PDGFRB: variants seen among roughly 807,000 people sequenced by gnomAD.
PDGFRB encodes the protein platelet-derived growth factor receptor beta.
A neutral mutation model predicts 120.2 loss-of-function variants in PDGFRB; 42 were observed. The observed-to-expected ratio is 0.35, with a 90% confidence interval of 0.27 to 0.45. PDGFRB has a LOEUF of 0.45. Ranked by LOEUF, PDGFRB falls within the 20% of genes least tolerant of loss-of-function variation. The pLI is 1.00. For missense variants in PDGFRB, 1,149 were observed against 1,476.3 expected (o/e 0.78, Z 3.63); for synonymous variants, 586 against 606.8 (o/e 0.97, Z 0.50).
intron 1 of PDGFRB, among the ~76,000 whole-genome samples, chr5:150,139,128 GC>G (rs1435779293): frequency 1.3e-5 from 2 of 152,206 alleles, no homozygotes; most frequent in African/African-American, 4.8e-5. Context: ...GAGACTCTGA[GC>G]TAGGAGGTAT....
Position 150,126,509 on chromosome 5 carries a change from G to A in PDGFRB, c.1674+11C>T. ...GCCAGTCTTCACCCACTGGGCCAGGGAGGGGCTTACCTTCTGCCAAAGCAT... is the reference window on the plus strand; with the variant it reads ...GCCAGTCTTCACCCACTGGGCCAGGAAGGGGCTTACCTTCTGCCAAAGCAT... On this transcript the variant is annotated intron_variant, in intron 11 of 22. Coordinates refer to ENST00000261799, the MANE Select transcript of PDGFRB (RefSeq NM_002609.4). 6.8e-7 allele frequency: 1 copy of A among 1,471,058 alleles called. No individual in the cohort carries two copies. The highest frequency in any genetic ancestry group is 2.3e-5 in the East Asian group (1 of 44,156). The allele number at this position is 1,471,058 out of a possible 1,614,324, so 91.1% of individuals were successfully genotyped here.
In PDGFRB at chr5:150,125,261, C is replaced by T. The variant is rs1191096497; in HGVS notation, c.1807+184G>A. Among the ~76,000 whole-genome samples, 4 of 152,284 alleles carry T rather than the reference C, an allele frequency of 2.6e-5. No homozygotes were observed. In the South Asian group the frequency reaches 8.3e-4, roughly 32 times the overall value. ...GTCACAGGATCATAGAACCTCAATG[C>T]TAGGCAGTTCCTGGGGGATGGTCTT... is the stretch of plus-strand genomic sequence containing the variant. On this transcript the variant is annotated intron_variant, in intron 12 of 22. Transcript: ENST00000261799.
Position 150,132,168 on chromosome 5 carries a change from G to A in PDGFRB, c.1128-74C>T, listed in dbSNP as rs549863067. ...TCTCCCCACCCTCCTGGTATAAAGAGGAACAAGGCCCAGGGAGGGGAAGGG... is the reference window on the plus strand; with the variant it reads ...TCTCCCCACCCTCCTGGTATAAAGAAGAACAAGGCCCAGGGAGGGGAAGGG... On this transcript the variant is annotated intron_variant, in intron 7 of 22. Transcript: ENST00000261799. This position sits in a 1 kb window ranked among gnomAD's most constrained non-coding sequence, Gnocchi z 5.0. The A allele has an allele frequency of 1.1e-4, 86 of 808,444 alleles. 3 individuals are homozygous for A. The South Asian group carries it at 1.3e-3, about 12-fold the overall frequency. The allele number at this position is 808,444 out of a possible 1,614,324, so 50.1% of individuals were successfully genotyped here.
chr5:150,125,317 GC>G, intron 12 of PDGFRB, 127 bp downstream of exon 12: 2 of 707,504 alleles, frequency 2.8e-6, no homozygotes, highest in Non-Finnish European at 4.6e-6. Flanking sequence ...GAGATGGAGG[GC>G]CAGAGAAGGC....
intron 2 of PDGFRB, 23 bp from the exon 3 acceptor site, chr5:150,135,901 C>T (rs749019435): frequency 2.0e-6 from 3 of 1,495,484 alleles, no homozygotes; most frequent in South Asian, 2.7e-5. Flanking sequence ...AGGTATCAGA[C>T]ATCAGGAAAC....
chr5:150,128,277 C>A (rs1005221980), intron 10 of PDGFRB, among the ~76,000 whole-genome samples: 3 of 152,242 alleles, frequency 2.0e-5, no homozygotes, highest in Admixed American at 6.5e-5. Context: ...TGCCCAGATA[C>A]CCACTTGCTC....
chr5:150,117,621 G>A lies in PDGFRB; in HGVS notation c.3134C>T (p.Ala1045Val), dbSNP rs754945283. The change falls in exon 22 of 23, where the codon GCC (alanine) becomes GTC (valine). Residue 1045 changes from alanine (A) to valine (V), a missense_variant. By Grantham distance (64) the Ala-to-Val change is moderately conservative (BLOSUM62 0). Around this residue, in one of 3 missense-constraint regions of PDGFRB, gnomAD observed 202 missense variants for 214.3 expected, o/e 0.94. Transcript: ENST00000261799. ...GGCCCCAGGCCAGGGTGGTTACCTG[G>A]CTAGGCTGGGGGAACCCTCCAGTGG... is the stretch of plus-strand genomic sequence containing the variant. ...EGPLEGSPSL[A>V]SSTLNEVNTS... 1.3e-6 allele frequency: 2 copies of A among 1,593,502 alleles called. No homozygotes were observed. Among genetic ancestry groups the A allele is most frequent in the East Asian group, 4.5e-5 (2 of 44,640 alleles).
chr5:150,130,328 T>C (rs542295262), intron 9 of PDGFRB, among the ~76,000 whole-genome samples: 1 of 152,258 alleles, frequency 6.6e-6, no homozygotes, highest in South Asian at 2.1e-4. Flanking sequence ...CCCTGCACTT[T>C]GCTAGGCCAA....
chr5:150,140,468 C>T (rs192077753), intron 1 of PDGFRB, among the ~76,000 whole-genome samples: 182 of 152,300 alleles, frequency 1.2e-3, no homozygotes, highest in African/African-American at 4.1e-3. Flanking sequence ...GAAGAGAGTG[C>T]TATGTGCCAG....
intron 4 of PDGFRB, 23 bp from the exon 5 acceptor site, chr5:150,134,031 G>A: frequency 6.2e-7 from 1 of 1,613,194 alleles, no homozygotes; most frequent in Non-Finnish European, 8.5e-7. Context: ...GATTGGCTTA[G>A]GTCTGGGGAA....
chr5:150,117,536 G>T (rs528099067), intron 22 of PDGFRB, 82 bp downstream of exon 22: 2 of 677,432 alleles, frequency 3.0e-6, no homozygotes. Context: ...CAGCGCGCGC[G>T]CGCGCGCGCA....
At chr5:150,134,716 C>T in intron 4 of PDGFRB, 34 bp downstream of exon 4, 2 of 1,579,082 alleles carry the variant, frequency 1.3e-6, no homozygotes, top group South Asian at 1.2e-5. Context: ...TTATACTTGC[C>T]TCTGCTGAGC....
chr5:150,117,731 G>A lies in PDGFRB; in HGVS notation c.3024C>T (p.Leu1008=). Residue 1008 remains leucine, a synonymous_variant, in exon 22 of 23, where the codon CTC becomes CTT. Transcript: ENST00000261799. ...CCTCATTGGGCTGCACGGCAGTATA[G>A]AGGACGGAGCTGGTGTCCAGGGGAG... ...LRSPLDTSSV[L]YTAVQPNEGD... 6.2e-7 allele frequency: 1 copy of A among 1,613,700 alleles called. No individual in the cohort carries two copies. Among genetic ancestry groups the A allele is most frequent in the East Asian group, 2.2e-5 (1 of 44,858 alleles).
At chr5:150,126,479 G>A in intron 11 of PDGFRB, 41 bp downstream of exon 11, 2 of 1,024,314 alleles carry the variant, frequency 2.0e-6, no homozygotes, top group Non-Finnish European at 3.1e-6. Flanking sequence ...GCAAAATAAT[G>A]ATGTGCCAGT....
In PDGFRB at chr5:150,117,856, C is replaced by A. The variant is rs1354091923; in HGVS notation, c.2905-6G>T. The A allele has an allele frequency of 6.4e-7, 1 of 1,570,300 alleles. No homozygotes were observed. The highest frequency in any genetic ancestry group is 1.3e-5 in the African/African-American group (1 of 74,178). Reference sequence around the variant, plus strand: ...TCATCCACCTGCTGGTACTTCTGCTCCCGGGGCAGGGAGAACCAAAGAAAC... The same window carrying A: ...TCATCCACCTGCTGGTACTTCTGCTACCGGGGCAGGGAGAACCAAAGAAAC... On this transcript the variant is annotated splice_region_variant and splice_polypyrimidine_tract_variant and intron_variant, in intron 21 of 22. Coordinates refer to ENST00000261799, the MANE Select transcript of PDGFRB (RefSeq NM_002609.4).
chr5:150,147,291 G>T (rs17614956), intron 1 of PDGFRB, among the ~76,000 whole-genome samples: 34 of 152,316 alleles, frequency 2.2e-4, no homozygotes, highest in African/African-American at 7.5e-4. Flanking sequence ...TCTCCGGCCG[G>T]TGCCATGGCA....
At chr5:150,147,547 C>T (rs1760959047) in intron 1 of PDGFRB, among the ~76,000 whole-genome samples, 1 of 152,206 alleles carries the variant, frequency 6.6e-6, no homozygotes, top group African/African-American at 2.4e-5. Context: ...CCTTCCCCCA[C>T]AGGCCCAGGG....
rs754955253 is a variant in PDGFRB, at chr5:150,155,774, CCT to C, written c.-386_-385del. 1 of 398,442 alleles carries C rather than the reference CCT, an allele frequency of 2.5e-6. No individual in the cohort carries two copies. Among genetic ancestry groups the C allele is most frequent in the Non-Finnish European group, 4.4e-6 (1 of 226,074 alleles). The allele number at this position is 398,442 out of a possible 1,614,324, so 24.7% of individuals were successfully genotyped here. A position where few individuals can be genotyped will look rare whatever the true frequency, so the allele number is the denominator to read the frequency against. On this transcript the variant is annotated 5_prime_UTR_variant, in exon 1 of 23. Transcript: ENST00000261799. ...GCTCTCTCCTCCTCCTTGTTGATCT[CCT>C]CTCTGGCTCCAAGTTGCTCACAGAG...
At chr5:150,124,147 A>C (rs760828915) in intron 14 of PDGFRB, 103 bp downstream of exon 14, 19 of 736,282 alleles carry the variant, frequency 2.6e-5, no homozygotes, top group Non-Finnish European at 3.9e-5. Context: ...CGGACCCTCC[A>C]GCAGGAGTGT....
Sources: allele counts gnomAD v4.1 joint callset (sites outside exome capture counted in the v4.1 genomes callset), GRCh38; gene constraint gnomAD v4.1.1; regional missense constraint gnomAD v4.1.1; non-coding constraint Gnocchi (gnomAD v3.1); transcripts MANE v1.5; gene names NCBI Gene and HGNC (gene_info 2026-07-23, HGNC 2026-07-21).